LNX1: variants seen among roughly 807,000 people sequenced by gnomAD.
LNX1 encodes E3 ubiquitin-protein ligase LNX.
LNX1 carries 54 observed loss-of-function variants against 68.4 expected under a neutral mutation model. The observed-to-expected ratio is 0.79, with a 90% confidence interval of 0.63 to 0.99. LNX1 has a LOEUF of 0.99. LNX1 is among the 50% of genes least tolerant of loss of function. The pLI is 0.00. For missense variants in LNX1, 906 were observed against 926.4 expected (o/e 0.98, Z 0.29); for synonymous variants, 336 against 350.0 (o/e 0.96, Z 0.45).
At chr4:53,489,507 C>T (rs1351249370) in intron 6 of LNX1, among the ~76,000 whole-genome samples, 1 of 152,028 alleles carries the variant, frequency 6.6e-6, no homozygotes, top group Non-Finnish European at 1.5e-5. Flanking sequence ...GCATCCTTGC[C>T]TCAGACACCA....
intron 1 of LNX1, among the ~76,000 whole-genome samples, chr4:53,627,046 C>T (rs995223655): frequency 1.3e-5 from 2 of 152,146 alleles, no homozygotes; most frequent in Non-Finnish European, 2.9e-5. Context: ...GAGCACTGCA[C>T]GCTTCTGCAG....
Position 53,459,502 on chromosome 4 carries a change from C to T in LNX1, c.*1405G>A. On this transcript the variant is annotated 3_prime_UTR_variant, in exon 11 of 11. Transcript: ENST00000263925. ...AGTACCAGAAGTAGATACTATAAAT[C>T]TTGTTATTTTTCTGGATAATGTTTA... 1 of 1,607,940 alleles carries T rather than the reference C, an allele frequency of 6.2e-7. No individual in the cohort carries two copies. Among genetic ancestry groups the T allele is most frequent in the East Asian group, 2.2e-5 (1 of 44,836 alleles).
At chr4:53,636,954 C>T (rs1734503052) in intron 1 of LNX1, among the ~76,000 whole-genome samples, 1 of 150,918 alleles carries the variant, frequency 6.6e-6, no homozygotes, top group Admixed American at 6.6e-5. Flanking sequence ...TCCCTCCCTC[C>T]CCAAGAAAGC....
Position 53,461,020 on chromosome 4 carries a change from C to T in LNX1, c.2074G>A (p.Val692Ile). The T allele has an allele frequency of 3.2e-6, 5 of 1,579,338 alleles. No individual in the cohort carries two copies. The highest frequency in any genetic ancestry group is 4.3e-6 in the Non-Finnish European group (5 of 1,167,380). ...RIRCGDILLA[V>I]NGRSTSGMIH... Reference sequence around the variant, plus strand: ...ATTCCTGATGTACTTCTACCATTGACAGCAAGAAGAATATCACCACATCTA... The same window carrying T: ...ATTCCTGATGTACTTCTACCATTGATAGCAAGAAGAATATCACCACATCTA... Residue 692 changes from valine to isoleucine, a missense_variant, in exon 11 of 11, where the codon GTC becomes ATC. By Grantham distance (29) the Val-to-Ile change is conservative. Coordinates refer to ENST00000263925, the MANE Select transcript of LNX1 (RefSeq NM_001126328.3).
rs753004945 is a variant in LNX1 at position 53,507,592 on chromosome 4, T to A, written c.623-123A>T. ...TGACTACCTCTGGGTGGTAGGATTG[T>A]AGAATTTGCTTACCTGTATTTTTTA... On this transcript the variant is annotated intron_variant, in intron 3 of 10. Coordinates refer to ENST00000263925, the MANE Select transcript of LNX1 (RefSeq NM_001126328.3). 2,139 of 1,104,914 alleles carry A rather than the reference T, an allele frequency of 1.9e-3. 6 individuals carry two copies. The highest frequency in any genetic ancestry group is 2.5e-3 in the Non-Finnish European group (1,942 of 770,956). The allele number at this position is 1,104,914 out of a possible 1,614,324, so 68.4% of individuals were successfully genotyped here. A position where few individuals can be genotyped will look rare whatever the true frequency, so the allele number is the denominator to read the frequency against.
intron 2 of LNX1, among the ~76,000 whole-genome samples, chr4:53,544,206 T>C (rs374449561): frequency 1.3e-5 from 2 of 150,312 alleles, no homozygotes; most frequent in Non-Finnish European, 3.0e-5. Context: ...CTCTCTCTCT[T>C]TTTTTTTTGA....
chr4:53,467,489 G>C (rs1448734659), intron 9 of LNX1, among the ~76,000 whole-genome samples: 1 of 152,220 alleles, frequency 6.6e-6, no homozygotes, highest in Non-Finnish European at 1.5e-5. Flanking sequence ...AAGCTGAACA[G>C]AGAATGACTT....
intron 2 of LNX1, among the ~76,000 whole-genome samples, chr4:53,560,896 C>T (rs10016844): frequency 0.019 from 2,834 of 152,302 alleles, 97 homozygotes; most frequent in African/African-American, 0.065. Context: ...TCCCTTGGGG[C>T]TAAAACCCAA....
intron 1 of LNX1, among the ~76,000 whole-genome samples, chr4:53,651,347 G>A (rs1489747006): frequency 3.3e-5 from 5 of 152,190 alleles, no homozygotes; most frequent in Admixed American, 1.3e-4. Flanking sequence ...CTTGCACCAC[G>A]CCCTGACACA....
intron 2 of LNX1, among the ~76,000 whole-genome samples, chr4:53,614,776 T>C (rs1032383206): frequency 1.1e-4 from 16 of 152,226 alleles, no homozygotes; most frequent in Non-Finnish European, 5.9e-5. Context: ...TTGCTAGTTT[T>C]ACATTCCATG....
intron 4 of LNX1, chr4:53,501,861 C>G (rs1032361652): frequency 6.6e-6 from 1 of 152,182 alleles, no homozygotes; most frequent in African/African-American, 2.4e-5. Flanking sequence ...CCTAGTGTGT[C>G]TGAGGAAATC....
chr4:53,600,858 G>A (rs1482644716), intron 2 of LNX1, among the ~76,000 whole-genome samples: 2 of 150,208 alleles, frequency 1.3e-5, no homozygotes, highest in Admixed American at 6.6e-5. Flanking sequence ...AGCCTCCTGA[G>A]TAGCTGGGAT....
At chr4:53,525,497 A>G (rs1328108666) in intron 2 of LNX1, among the ~76,000 whole-genome samples, 2 of 152,330 alleles carry the variant, frequency 1.3e-5, no homozygotes, top group Middle Eastern at 3.4e-3. Flanking sequence ...CAAACAGCTC[A>G]AAGATGCTTG....
chr4:53,496,185 T>C lies in LNX1; in HGVS notation c.1188A>G (p.Lys396=), dbSNP rs200081802. Residue 396 remains lysine (K), a synonymous_variant, in exon 6 of 11, where the codon AAA becomes AAG. Coordinates refer to ENST00000263925, the MANE Select transcript of LNX1 (RefSeq NM_001126328.3). ...KSSPEEQLGI[K]LVRKVDEPGV... ...CAGGCTCATCCACCTTGCGCACCAG[T>C]TTTATTCCAAGCTGCTCCTCGGGGC... 6 of 1,614,114 alleles carry C rather than the reference T, an allele frequency of 3.7e-6. No homozygotes were observed. Among genetic ancestry groups the C allele is most frequent in the Non-Finnish European group, 5.1e-6 (6 of 1,180,018 alleles).
chr4:53,574,011 G>A lies in LNX1; in HGVS notation c.-9C>T. On this transcript the variant is annotated 5_prime_UTR_variant, in exon 2 of 11. Coordinates refer to ENST00000263925, the MANE Select transcript of LNX1 (RefSeq NM_001126328.3). ...GACTCTGGCTGGTTCATGATGGATT[G>A]GAGAGCAGTATAACAGGAAACTCAG... 6.2e-7 allele frequency: 1 copy of A among 1,604,014 alleles called. No individual in the cohort carries two copies. Among genetic ancestry groups the A allele is most frequent in the East Asian group, 2.2e-5 (1 of 44,770 alleles).
chr4:53,599,357 G>T (rs1333402332), intron 2 of LNX1, among the ~76,000 whole-genome samples: 1 of 152,118 alleles, frequency 6.6e-6, no homozygotes, highest in Non-Finnish European at 1.5e-5. Flanking sequence ...TCCCATTAGC[G>T]CCATGATGGT....
chr4:53,505,410 C>T (rs983407043), intron 4 of LNX1, among the ~76,000 whole-genome samples: 3 of 151,682 alleles, frequency 2.0e-5, no homozygotes, highest in Non-Finnish European at 4.4e-5. Context: ...GCCACCATGC[C>T]CTGGCTAATT....
chr4:53,573,916 G>A lies in LNX1; in HGVS notation c.87C>T (p.Tyr29=). The A allele has an allele frequency of 6.2e-7, 1 of 1,613,702 alleles. No homozygotes were observed. The highest frequency in any genetic ancestry group is 8.5e-7 in the Non-Finnish European group (1 of 1,179,810). ...QAHSLEENHF[Y]SYPEEVDDDL... Reference sequence around the variant, plus strand: ...CATCATCCACTTCCTCTGGATAGCTGTAGAAGTGGTTTTCCTCCAAGGAGT... The same window carrying A: ...CATCATCCACTTCCTCTGGATAGCTATAGAAGTGGTTTTCCTCCAAGGAGT... The change falls in exon 2 of 11, where the codon TAC becomes TAT. Residue 29 remains tyrosine (Y), a synonymous_variant. Coordinates refer to ENST00000263925, the MANE Select transcript of LNX1 (RefSeq NM_001126328.3).
At chr4:53,647,143 G>T (rs1402462443) in intron 1 of LNX1, among the ~76,000 whole-genome samples, 2 of 152,124 alleles carry the variant, frequency 1.3e-5, no homozygotes, top group African/African-American at 2.4e-5. Flanking sequence ...CCTCACACTG[G>T]GTCTGTTTCT....
Sources: gnomAD v4.1 joint callset for allele counts (sites outside exome capture counted in the v4.1 genomes callset) on GRCh38, gnomAD v4.1.1 for gene constraint, MANE v1.5 for transcripts, NCBI Gene and HGNC (gene_info 2026-07-23, HGNC 2026-07-21) for gene names.